Variants in PCDH11X observed in about 807,000 individuals in gnomAD.
PCDH11X encodes the protein protocadherin 11 X-linked.
Under a neutral mutation model 53.3 loss-of-function variants are expected in PCDH11X, and 18 were observed. The observed-to-expected ratio is 0.34, with a 90% CI of 0.23 to 0.50. The LOEUF (loss-of-function observed/expected upper bound fraction) is 0.50, where lower values mean the gene tolerates loss of function less well. PCDH11X is among the 20% of genes least tolerant of loss of function. The probability of loss-of-function intolerance (pLI) is 0.98; values close to 1 mark genes in which losing one functional copy is unlikely to be tolerated. For missense variants in PCDH11X, 570 were observed against 1,032.4 expected (o/e 0.55, Z 6.14); for synonymous variants, 279 against 393.3 (o/e 0.71, Z 3.44).
At chrX:92,292,404 T>C (rs1443314235) in intron 8 of PCDH11X, among the ~76,000 whole-genome samples, 1 of 112,254 alleles carries the variant, frequency 8.9e-6, no homozygotes. Flanking sequence ...TAAATACTTA[T>C]GCAAGCTTTT....
chrX:91,942,450 C>A (rs2061522354), intron 6 of PCDH11X, among the ~76,000 whole-genome samples: 1 of 109,778 alleles, frequency 9.1e-6, no homozygotes, highest in Non-Finnish European at 1.9e-5. Context: ...ATAAATTTGA[C>A]AACTTTGATG....
At chrX:92,352,072 A>G (rs955522254) in intron 8 of PCDH11X, among the ~76,000 whole-genome samples, 3 of 111,824 alleles carry the variant, frequency 2.7e-5, no homozygotes, top group African/African-American at 9.7e-5. Flanking sequence ...TTTCTTCATC[A>G]TTATCATAAC....
intron 7 of PCDH11X, among the ~76,000 whole-genome samples, chrX:92,232,917 A>G (rs772042363): frequency 1.6e-3 from 179 of 110,841 alleles, no homozygotes; most frequent in African/African-American, 5.3e-3. Flanking sequence ...GGGTTTCACC[A>G]TGTTAGCCAG....
chrX:91,783,321 C>A (rs1935224911), intron 1 of PCDH11X, among the ~76,000 whole-genome samples: 2 of 111,173 alleles, frequency 1.8e-5, no homozygotes, highest in Admixed American at 9.5e-5. Flanking sequence ...AAACTGTGCA[C>A]CCCCACTCCC....
intron 10 of PCDH11X, among the ~76,000 whole-genome samples, chrX:92,506,000 G>T (rs1414987055): frequency 1.9e-4 from 21 of 110,067 alleles, no homozygotes; most frequent in Non-Finnish European, 3.4e-4. Flanking sequence ...ACTTATTTTT[G>T]TACACTGATT....
At chrX:92,139,836 A>G (rs900598519) in intron 6 of PCDH11X, among the ~76,000 whole-genome samples, 3 of 111,097 alleles carry the variant, frequency 2.7e-5, no homozygotes, top group African/African-American at 9.8e-5. Context: ...AAATGCTATT[A>G]TAGTGCCTGG....
intron 6 of PCDH11X, among the ~76,000 whole-genome samples, chrX:91,894,795 T>A (rs997522373): frequency 2.7e-5 from 3 of 111,326 alleles, no homozygotes; most frequent in African/African-American, 9.8e-5. Flanking sequence ...GAAAATAGAC[T>A]TGCAACATAT....
At chrX:91,844,585 C>T (rs1410970372) in intron 5 of PCDH11X, among the ~76,000 whole-genome samples, 6 of 106,841 alleles carry the variant, frequency 5.6e-5, no homozygotes, top group African/African-American at 1.4e-4. Context: ...AAGACAATCA[C>T]GACTGTTTTT....
intron 6 of PCDH11X, among the ~76,000 whole-genome samples, chrX:91,887,607 T>C (rs986876095): frequency 6.4e-4 from 72 of 112,202 alleles, no homozygotes; most frequent in Non-Finnish European, 7.1e-4. Context: ...TGAAGAATTT[T>C]AAAATTATTT....
intron 6 of PCDH11X, among the ~76,000 whole-genome samples, chrX:91,995,047 A>G (rs2062391084): frequency 9.0e-6 from 1 of 110,887 alleles, no homozygotes. Flanking sequence ...TTAGTTGTAT[A>G]TTTTAGATAT....
Position 91,975,008 on chromosome X carries a change from G to A in PCDH11X, c.3033+95735G>A, listed in dbSNP as rs2525325. On this transcript the variant is annotated intron_variant, in intron 6 of 10. Coordinates refer to ENST00000682573, the MANE Select transcript of PCDH11X (RefSeq NM_032968.5). Reference sequence around the variant, plus strand: ...CTCAGGTGATCCGCCTGCCTCGGCCGCCCAAAGTGCTGGAATTACAGGCAT... The same window carrying A: ...CTCAGGTGATCCGCCTGCCTCGGCCACCCAAAGTGCTGGAATTACAGGCAT... 6.3e-5 allele frequency among the ~76,000 whole-genome samples: 7 copies of A among 111,016 alleles called. No individual in the cohort carries two copies. The South Asian group carries it at 2.3e-3, about 37-fold the overall frequency.
chrX:92,208,112 T>C (rs1307020481), intron 7 of PCDH11X, among the ~76,000 whole-genome samples: 1 of 106,519 alleles, frequency 9.4e-6, no homozygotes, highest in African/African-American at 3.4e-5. Context: ...GGAGAATCAC[T>C]TGAACCCGGG....
At chrX:92,466,329 C>T (rs1050709490) in intron 9 of PCDH11X, among the ~76,000 whole-genome samples, 1 of 109,605 alleles carries the variant, frequency 9.1e-6, no homozygotes, top group African/African-American at 3.3e-5. Context: ...AATGATAAAC[C>T]TTTAAACCTT....
chrX:92,028,939 G>A (rs2063006371), intron 6 of PCDH11X, among the ~76,000 whole-genome samples: 1 of 109,870 alleles, frequency 9.1e-6, no homozygotes, highest in South Asian at 4.0e-4. Context: ...TGCCAGGTTG[G>A]AAGGAAGAAT....
chrX:92,262,925 A>G, intron 7 of PCDH11X, 189 bp from the exon 8 acceptor site: 1 of 495,598 alleles, frequency 2.0e-6, no homozygotes, highest in Non-Finnish European at 2.5e-6. Context: ...TACTCAAACC[A>G]CTGAAGAATG....
intron 6 of PCDH11X, among the ~76,000 whole-genome samples, chrX:92,199,936 A>G (rs933773229): frequency 4.5e-5 from 5 of 110,959 alleles, no homozygotes; most frequent in African/African-American, 1.6e-4. Flanking sequence ...AGCCCAGCAG[A>G]CGTTGAACTG....
chrX:92,497,416 A>AT (rs1403502825), intron 10 of PCDH11X, among the ~76,000 whole-genome samples: 17 of 71,404 alleles, frequency 2.4e-4, no homozygotes, highest in African/African-American at 9.1e-4. Flanking sequence ...GCTTTGTAAG[A>AT]ATTTTTTTTT....
At chrX:92,126,700 A>G in intron 6 of PCDH11X, among the ~76,000 whole-genome samples, 1 of 72,707 alleles carries the variant, frequency 1.4e-5, no homozygotes, top group Non-Finnish European at 2.6e-5. Flanking sequence ...CAGATTGAAG[A>G]TATGTGGGGA....
chrX:91,936,253 G>A (rs763809070), intron 6 of PCDH11X, among the ~76,000 whole-genome samples: 1 of 109,578 alleles, frequency 9.1e-6, no homozygotes, highest in Non-Finnish European at 1.9e-5. Flanking sequence ...TCAGCAAAAT[G>A]GGGTCTATTG....
Sources: allele counts gnomAD v4.1 joint callset (sites outside exome capture counted in the v4.1 genomes callset), GRCh38; gene constraint gnomAD v4.1.1; transcripts MANE v1.5; gene names NCBI Gene and HGNC (gene_info 2026-07-23, HGNC 2026-07-21).